MEGF6: variants seen among roughly 807,000 people sequenced by gnomAD.
The protein encoded by MEGF6 is multiple EGF like domains 6.
Under a neutral mutation model 207.1 loss-of-function variants are expected in MEGF6, and 184 were observed. The observed-to-expected ratio is 0.89, with a 90% confidence interval of 0.79 to 1.00. MEGF6 has a LOEUF of 1.00. Among genes scored for constraint, MEGF6 ranks in the 50% least tolerant of loss-of-function variants. The pLI, the probability that MEGF6 is intolerant of heterozygous loss-of-function variation, is 0.00. For missense variants in MEGF6, 2,282 were observed against 2,202.9 expected (o/e 1.04, Z -0.72); for synonymous variants, 1,038 against 910.0 (o/e 1.14, Z -2.53).
At chr1:3,501,356 A>G (rs1402171861) in intron 18 of MEGF6, 48 bp from the exon 19 acceptor site, 1 of 1,553,986 alleles carries the variant, frequency 6.4e-7, no homozygotes, top group Non-Finnish European at 8.7e-7. Flanking sequence ...GCCCTTGCTC[A>G]ACACATCAAC....
chr1:3,579,921 T>G lies in MEGF6; in HGVS notation c.385A>C (p.Ser129Arg). ...DEEGCLSAEC[S>R]ASLCFHGGRC... ...CCACCGTGAAAACAGAGGCTGGCGCTGCATTCAGCTGCGGAGGGAAGGAGA... is the reference window on the plus strand; with the variant it reads ...CCACCGTGAAAACAGAGGCTGGCGCGGCATTCAGCTGCGGAGGGAAGGAGA... The change falls in exon 4 of 37, where the codon AGC becomes CGC. Residue 129 changes from serine to arginine, a missense_variant. Coordinates refer to ENST00000356575, the MANE Select transcript of MEGF6 (RefSeq NM_001409.4). 1 of 1,522,426 alleles carries G rather than the reference T, an allele frequency of 6.6e-7. No homozygotes were observed. The highest frequency in any genetic ancestry group is 8.8e-7 in the Non-Finnish European group (1 of 1,142,666). 94.3% of individuals were successfully genotyped at this position (1,522,426 alleles called of 1,614,324 possible). A position where few individuals can be genotyped will look rare whatever the true frequency, so the allele number is the denominator to read the frequency against.
intron 4 of MEGF6, among the ~76,000 whole-genome samples, chr1:3,543,904 GCCCA>G (rs1642613477): frequency 1.3e-5 from 2 of 152,172 alleles, no homozygotes; most frequent in African/African-American, 2.4e-5. Flanking sequence ...GTGCCTGGAC[GCCCA>G]GCCCGCGTCA....
chr1:3,557,448 G>T (rs532286361), intron 4 of MEGF6, among the ~76,000 whole-genome samples: 37 of 152,312 alleles, frequency 2.4e-4, no homozygotes, highest in African/African-American at 8.7e-4. Context: ...GGCCTGGAGG[G>T]GTCTTGAGGA....
chr1:3,555,183 G>A (rs1642998276), intron 4 of MEGF6, among the ~76,000 whole-genome samples: 1 of 12,976 alleles, frequency 7.7e-5, no homozygotes, highest in South Asian at 1.9e-3. Flanking sequence ...ACCCACCCAG[G>A]GCTATGGATC....
In MEGF6 at chr1:3,560,409, T is replaced by A. The variant is rs1469351360; in HGVS notation, c.481+19416A>T. ...ATGGCCTGGATCCACCATTGTAAGA[T>A]CACGCAGAGGAGTTCCTGCCCTAAA... On this transcript the variant is annotated intron_variant, in intron 4 of 36. Coordinates refer to ENST00000356575, the MANE Select transcript of MEGF6 (RefSeq NM_001409.4). The surrounding 1 kb of genome is among the most constrained non-coding windows in gnomAD (Gnocchi z 4.0). Among the ~76,000 whole-genome samples the A allele has an allele frequency of 6.6e-6, 1 of 152,104 alleles. No individual in the cohort carries two copies. The highest frequency in any genetic ancestry group is 1.5e-5 in the Non-Finnish European group (1 of 68,022).
At chr1:3,538,750 G>A (rs906215108) in intron 4 of MEGF6, among the ~76,000 whole-genome samples, 3 of 148,924 alleles carry the variant, frequency 2.0e-5, no homozygotes, top group East Asian at 2.0e-4. Context: ...GTGTGTCCGC[G>A]CTGTCTGTGG....
At chr1:3,519,038 C>A (rs967168136) in intron 5 of MEGF6, among the ~76,000 whole-genome samples, 1 of 152,254 alleles carries the variant, frequency 6.6e-6, no homozygotes, top group Admixed American at 6.5e-5. Context: ...GAGCACCAGG[C>A]AAACAATGGC....
intron 2 of MEGF6, among the ~76,000 whole-genome samples, chr1:3,596,240 C>T (rs1245872022): frequency 6.6e-6 from 1 of 152,006 alleles, no homozygotes; most frequent in Non-Finnish European, 1.5e-5. Context: ...TAAGGCTGAG[C>T]AGAAAATGGT....
chr1:3,592,267 T>A (rs926772673), intron 3 of MEGF6, among the ~76,000 whole-genome samples: 1 of 152,186 alleles, frequency 6.6e-6, no homozygotes, highest in Admixed American at 6.5e-5. Flanking sequence ...CTTCCCTGCC[T>A]AGACTGGAGG....
intron 2 of MEGF6, among the ~76,000 whole-genome samples, chr1:3,596,282 G>A (rs1045365932): frequency 7.2e-5 from 11 of 151,992 alleles, no homozygotes; most frequent in African/African-American, 2.4e-4. Context: ...GTGTCCTGCT[G>A]GGAATGGGCA....
intron 4 of MEGF6, among the ~76,000 whole-genome samples, chr1:3,545,642 G>A (rs1306671493): frequency 2.0e-5 from 3 of 152,152 alleles, no homozygotes; most frequent in South Asian, 4.1e-4. Context: ...GGAGCCTCTG[G>A]GGCTTTCCGC....
intron 4 of MEGF6, among the ~76,000 whole-genome samples, chr1:3,526,345 G>A (rs1227572469): frequency 2.0e-5 from 3 of 152,064 alleles, no homozygotes; most frequent in South Asian, 2.1e-4. Context: ...GCAGACATGG[G>A]CATTGCCCCA....
Position 3,513,847 on chromosome 1 carries a change from C to G in MEGF6, c.853+703G>C, listed in dbSNP as rs145967419. Among the ~76,000 whole-genome samples, 814 of 151,960 alleles carry G rather than the reference C, an allele frequency of 5.4e-3. 7 individuals are homozygous for G. Among genetic ancestry groups the G allele is most frequent in the African/African-American group, 0.018 (738 of 41,480 alleles). On this transcript the variant is annotated intron_variant, in intron 7 of 36. Coordinates refer to ENST00000356575, the MANE Select transcript of MEGF6 (RefSeq NM_001409.4). Reference sequence around the variant, plus strand: ...GCTTAAGTGGTCCTCCCTCGTTGGCCTACCAAAGTGCTGGGATTACAGGTG... The same window carrying G: ...GCTTAAGTGGTCCTCCCTCGTTGGCGTACCAAAGTGCTGGGATTACAGGTG...
In MEGF6 at chr1:3,603,482, G is replaced by A. The variant is rs1415797448; in HGVS notation, c.132-882C>T. Among the ~76,000 whole-genome samples, 7 of 152,140 alleles carry A rather than the reference G, an allele frequency of 4.6e-5. No individual in the cohort carries two copies. In the South Asian group the frequency reaches 6.2e-4, roughly 14 times the overall value. On this transcript the variant is annotated intron_variant, in intron 1 of 36. Transcript: ENST00000356575. The stretch of plus-strand genomic sequence containing the variant: ...CTCGTGTCCCACTACGTCAGGTGAC[G>A]TCTGGGGGGCCTCAGAGGAAAGAAG...
chr1:3,567,884 G>C (rs1305884602), intron 4 of MEGF6, among the ~76,000 whole-genome samples: 4 of 152,096 alleles, frequency 2.6e-5, no homozygotes, highest in Non-Finnish European at 5.9e-5. Context: ...CCTCACTTAG[G>C]TGGCTGAGAC....
intron 17 of MEGF6, among the ~76,000 whole-genome samples, chr1:3,502,703 C>G (rs1398889845): frequency 1.3e-5 from 2 of 152,096 alleles, no homozygotes; most frequent in Admixed American, 6.5e-5. Context: ...CTGGAGAGGG[C>G]CTGCAGGGGC....
At chr1:3,516,125 C>A (rs991278564) in intron 5 of MEGF6, among the ~76,000 whole-genome samples, 1 of 152,226 alleles carries the variant, frequency 6.6e-6, no homozygotes, top group Non-Finnish European at 1.5e-5. Flanking sequence ...CCACGCATTG[C>A]CCATGCCCCC....
intron 5 of MEGF6, among the ~76,000 whole-genome samples, chr1:3,521,979 T>C (rs1641767643): frequency 6.6e-6 from 1 of 152,186 alleles, no homozygotes; most frequent in South Asian, 2.1e-4. Flanking sequence ...AAGGCATTTC[T>C]CCAACTCAAC....
intron 1 of MEGF6, among the ~76,000 whole-genome samples, chr1:3,605,194 CCA>C (rs565987339): frequency 1.3e-5 from 2 of 151,068 alleles, no homozygotes; most frequent in Admixed American, 6.6e-5. Context: ...TCACACACAC[CCA>C]CACACACAGT....
Sources: gnomAD v4.1 joint callset for allele counts (sites outside exome capture counted in the v4.1 genomes callset) on GRCh38, gnomAD v4.1.1 for gene constraint, Gnocchi (gnomAD v3.1) non-coding constraint, MANE v1.5 for transcripts, NCBI Gene and HGNC (gene_info 2026-07-23, HGNC 2026-07-21) for gene names.